EPHA4: variants seen among roughly 807,000 people sequenced by gnomAD.
EPHA4 encodes the protein EPH receptor A4, also known as ephrin type-A receptor 4.
Under a neutral mutation model 108.3 loss-of-function variants are expected in EPHA4, and 19 were observed. That is an observed-to-expected ratio of 0.18 (90% CI 0.12 to 0.26). EPHA4 has a LOEUF of 0.26. Ranked by LOEUF, EPHA4 falls within the 10% of genes least tolerant of loss-of-function variation. The pLI is 1.00. For missense variants in EPHA4, 917 were observed against 1,254.0 expected, an observed-to-expected ratio of 0.73 and a Z score of 4.06; for synonymous variants, 449 against 455.5, an observed-to-expected ratio of 0.99 and a Z score of 0.18.
chr2:221,434,172 C>G lies in EPHA4; in HGVS notation c.2466G>C (p.Glu822Asp). ...IVMWEVMSYG[E>D]RPYWDMSNQD... ...GATTGGACATATCCCAATAGGGCCT[C>G]TCCCCGTACGACATCACTTCCCACA... is the stretch of plus-strand genomic sequence containing the variant. Residue 822 changes from glutamate (E) to aspartate (D), a missense_variant, in exon 14 of 18, where the codon GAG becomes GAC. By Grantham distance (45) the Glu-to-Asp change is conservative (BLOSUM62 2). Coordinates refer to ENST00000281821, the MANE Select transcript of EPHA4 (RefSeq NM_004438.5). The G allele has an allele frequency of 6.2e-7, 1 of 1,613,928 alleles. No homozygotes were observed. The highest frequency in any genetic ancestry group is 8.5e-7 in the Non-Finnish European group (1 of 1,179,900).
At chr2:221,573,583 A>G (rs1041476821), upstream of EPHA4, 8 of 152,162 alleles carry the variant, frequency 5.3e-5, no homozygotes, top group African/African-American at 1.7e-4. The surrounding 1 kb of genome is among the most constrained non-coding windows in gnomAD (Gnocchi z 4.5). Context: ...GACTCCCTCC[A>G]GAGCAGGGCC....
intron 15 of EPHA4, among the ~76,000 whole-genome samples, chr2:221,427,336 A>T (rs1227013358): frequency 6.6e-6 from 1 of 152,186 alleles, no homozygotes; most frequent in African/African-American, 2.4e-5. Flanking sequence ...ACTTCTTATT[A>T]ACTTATTTAT....
At chr2:221,435,912 G>A (rs764931894) in intron 13 of EPHA4, among the ~76,000 whole-genome samples, 3 of 144,832 alleles carry the variant, frequency 2.1e-5, no homozygotes, top group African/African-American at 7.7e-5. Context: ...TAGAAAAAAG[G>A]CAAATACAAA....
rs1354629665 is a variant in EPHA4, at chr2:221,482,310, G to A, written c.1318+42C>T. 4.0e-6 allele frequency: 6 copies of A among 1,484,056 alleles called. No individual in the cohort carries two copies. In the East Asian group the frequency reaches 9.1e-5, roughly 23 times the overall value. 91.9% of individuals were successfully genotyped at this position (1,484,056 alleles called of 1,614,324 possible). A position where few individuals can be genotyped will look rare whatever the true frequency, so the allele number is the denominator to read the frequency against. On this transcript the variant is annotated intron_variant, in intron 5 of 17. Coordinates refer to ENST00000281821, the MANE Select transcript of EPHA4 (RefSeq NM_004438.5). Reference sequence around the variant, plus strand: ...ATTCATTATTTTAAGCCTTTTCTCTGTATACATTCAGATCATACAATAAAG... The same window carrying A: ...ATTCATTATTTTAAGCCTTTTCTCTATATACATTCAGATCATACAATAAAG...
At chr2:221,478,781 C>A (rs1691733245) in intron 5 of EPHA4, among the ~76,000 whole-genome samples, 1 of 151,512 alleles carries the variant, frequency 6.6e-6, no homozygotes, top group Non-Finnish European at 1.5e-5. Flanking sequence ...GTCCTTCCAA[C>A]AACCTTAGCA....
At chr2:221,451,178 C>A (rs1024046264) in intron 8 of EPHA4, among the ~76,000 whole-genome samples, 1 of 152,178 alleles carries the variant, frequency 6.6e-6, no homozygotes, top group Non-Finnish European at 1.5e-5. Flanking sequence ...TGAGTTATTG[C>A]ATGCCAGCCT....
At chr2:221,524,494 C>A (rs1046353897) in intron 3 of EPHA4, among the ~76,000 whole-genome samples, 2 of 152,150 alleles carry the variant, frequency 1.3e-5, no homozygotes, top group African/African-American at 4.8e-5. Context: ...GTCATTAGAA[C>A]CCACCTAGTT....
chr2:221,518,060 A>G (rs973656939), intron 3 of EPHA4, among the ~76,000 whole-genome samples: 3 of 152,220 alleles, frequency 2.0e-5, no homozygotes, highest in African/African-American at 7.2e-5. Flanking sequence ...GTTGTTTTAC[A>G]ACTGAGGTCT....
intron 5 of EPHA4, among the ~76,000 whole-genome samples, chr2:221,475,968 C>T (rs1346654628): frequency 6.6e-6 from 1 of 152,072 alleles, no homozygotes; most frequent in Non-Finnish European, 1.5e-5. Flanking sequence ...CCTGTAATCC[C>T]AGAACTTTGG....
chr2:221,419,440 A>G lies in EPHA4; in HGVS notation c.*1932T>C, dbSNP rs1390074094. The stretch of plus-strand genomic sequence containing the variant: ...ACACCATCTCAAAGCTGACACACAT[A>G]TCTACGTTCATCTCCAAAAGTATAT... On this transcript the variant is annotated 3_prime_UTR_variant, in exon 18 of 18. Transcript: ENST00000281821. The G allele has an allele frequency of 6.6e-6, 1 of 152,646 alleles. No homozygotes were observed. The highest frequency in any genetic ancestry group is 2.4e-5 in the African/African-American group (1 of 41,442). 9.5% of individuals were successfully genotyped at this position (152,646 alleles called of 1,614,324 possible).
chr2:221,523,107 C>T (rs1693222442), intron 3 of EPHA4, among the ~76,000 whole-genome samples: 1 of 151,610 alleles, frequency 6.6e-6, no homozygotes, highest in Admixed American at 6.6e-5. Context: ...CATTTGAAAA[C>T]CCCAGTACTT....
At chr2:221,541,782 T>C (rs569622769) in intron 3 of EPHA4, among the ~76,000 whole-genome samples, 1 of 152,320 alleles carries the variant, frequency 6.6e-6, no homozygotes, top group Admixed American at 6.5e-5. Flanking sequence ...CTTTATATTT[T>C]GTACATTGCA....
At chr2:221,486,514 G>A (rs1328598926) in intron 4 of EPHA4, among the ~76,000 whole-genome samples, 1 of 151,862 alleles carries the variant, frequency 6.6e-6, no homozygotes, top group East Asian at 1.9e-4. Flanking sequence ...ATCACCTGAG[G>A]TCAGGAGTTT....
At position 221,434,243 on chromosome 2, in the gene EPHA4, G is replaced by A. The variant is rs1690163499; in HGVS notation, c.2395C>T (p.Arg799Cys). 9 of 1,614,060 alleles carry A rather than the reference G, an allele frequency of 5.6e-6. No homozygotes were observed. Among genetic ancestry groups the A allele is most frequent in the Non-Finnish European group, 7.6e-6 (9 of 1,179,978 alleles). The change falls in exon 14 of 18, where the codon CGT becomes TGT. Residue 799 changes from arginine (R) to cysteine (C), a missense_variant. Physicochemically the swap from Arg to Cys is radical, Grantham distance 180 (BLOSUM62 -3). Coordinates refer to ENST00000281821, the MANE Select transcript of EPHA4 (RefSeq NM_004438.5). Reference sequence around the variant, plus strand: ...ACATCACTTGCTGATGTGAATTTACGATAGGCAATTGCTTCTGGCGCAGTC... The same window carrying A: ...ACATCACTTGCTGATGTGAATTTACAATAGGCAATTGCTTCTGGCGCAGTC... ...RWTAPEAIAY[R>C]KFTSASDVWS...
intron 3 of EPHA4, among the ~76,000 whole-genome samples, chr2:221,509,377 C>T (rs572463934): frequency 5.9e-5 from 9 of 152,182 alleles, no homozygotes; most frequent in Admixed American, 1.3e-4. Context: ...TTAGTTATTT[C>T]GAGATTTTTT....
intron 3 of EPHA4, among the ~76,000 whole-genome samples, chr2:221,541,585 G>A (rs186406819): frequency 6.6e-6 from 1 of 152,288 alleles, no homozygotes; most frequent in East Asian, 1.9e-4. Flanking sequence ...GTGGGAAGCT[G>A]TAACTCCACA....
In EPHA4 at chr2:221,438,441, G is replaced by C. The variant is rs550802934; in HGVS notation, c.2075-1319C>G. On this transcript the variant is annotated intron_variant, in intron 11 of 17. Transcript: ENST00000281821. Reference sequence around the variant, plus strand: ...TTTTTCTAAGAGCAGGATAAAACAGGTCCCTAAAATATTCCTTTGGAAGAA... The same window carrying C: ...TTTTTCTAAGAGCAGGATAAAACAGCTCCCTAAAATATTCCTTTGGAAGAA... Among the ~76,000 whole-genome samples the C allele has an allele frequency of 3.3e-5, 5 of 152,080 alleles. No homozygotes were observed. The South Asian group carries it at 1.0e-3, about 32-fold the overall frequency.
At chr2:221,506,200 C>T (rs1215440167) in intron 3 of EPHA4, among the ~76,000 whole-genome samples, 1 of 152,102 alleles carries the variant, frequency 6.6e-6, no homozygotes, top group Non-Finnish European at 1.5e-5. Flanking sequence ...CATAATATAT[C>T]CAGTATGCTT....
chr2:221,471,418 C>T (rs1691485589), intron 5 of EPHA4, among the ~76,000 whole-genome samples: 3 of 151,950 alleles, frequency 2.0e-5, no homozygotes, highest in Admixed American at 2.0e-4. Flanking sequence ...TTGCATCTTA[C>T]CTAGAAATAG....
Sources: gnomAD v4.1 joint callset for allele counts (sites outside exome capture counted in the v4.1 genomes callset) on GRCh38, gnomAD v4.1.1 for gene constraint, Gnocchi (gnomAD v3.1) non-coding constraint, MANE v1.5 for transcripts, NCBI Gene and HGNC (gene_info 2026-07-23, HGNC 2026-07-21) for gene names.